Variants in ADAMTS17 observed in about 807,000 individuals in gnomAD.
ADAMTS17 encodes A disintegrin and metalloproteinase with thrombospondin motifs 17.
Under a neutral mutation model 141.5 loss-of-function variants are expected in ADAMTS17, and 113 were observed. That is an observed-to-expected ratio of 0.80 (90% CI 0.69 to 0.93). The LOEUF is 0.93. Ranked by LOEUF, ADAMTS17 falls within the 40% of genes least tolerant of loss-of-function variation. ADAMTS17 has a pLI of 0.00. For missense variants in ADAMTS17, 1,659 were observed against 1,517.9 expected, an observed-to-expected ratio of 1.09 and a Z score of -1.54; for synonymous variants, 768 against 630.6, an observed-to-expected ratio of 1.22 and a Z score of -3.27.
At chr15:100,236,769 T>C (rs2042669419) in intron 7 of ADAMTS17, among the ~76,000 whole-genome samples, 2 of 151,914 alleles carry the variant, frequency 1.3e-5, no homozygotes, top group South Asian at 4.2e-4. Flanking sequence ...GCCCAGGAGG[T>C]CGAGGCTGCA....
intron 10 of ADAMTS17, among the ~76,000 whole-genome samples, chr15:100,142,726 T>C (rs1254201958): frequency 6.6e-6 from 1 of 152,162 alleles, no homozygotes; most frequent in East Asian, 1.9e-4. Context: ...CTGTGTGATC[T>C]AGAAAGCATC....
intron 15 of ADAMTS17, among the ~76,000 whole-genome samples, chr15:100,086,106 C>T (rs1449302368): frequency 6.6e-6 from 1 of 152,020 alleles, no homozygotes; most frequent in Non-Finnish European, 1.5e-5. Flanking sequence ...AAACCCACCT[C>T]ATGTGCAGAG....
chr15:100,022,633 C>T (rs140386698), intron 18 of ADAMTS17, among the ~76,000 whole-genome samples: 5 of 152,224 alleles, frequency 3.3e-5, no homozygotes, highest in Non-Finnish European at 5.9e-5. Flanking sequence ...GCCACCCAGC[C>T]CTGACAGGTT....
At chr15:100,277,087 C>T (rs1389295538) in intron 4 of ADAMTS17, among the ~76,000 whole-genome samples, 2 of 152,144 alleles carry the variant, frequency 1.3e-5, no homozygotes, top group African/African-American at 2.4e-5. Flanking sequence ...CAAAAGGCCC[C>T]GGAAACCCCA....
intron 20 of ADAMTS17, among the ~76,000 whole-genome samples, chr15:99,982,340 G>A (rs1163902362): frequency 1.3e-5 from 2 of 152,212 alleles, no homozygotes; most frequent in African/African-American, 4.8e-5. Flanking sequence ...ACAGGCAGGT[G>A]CACACAGCCC....
intron 18 of ADAMTS17, among the ~76,000 whole-genome samples, chr15:100,006,034 T>A (rs947994464): frequency 2.0e-5 from 3 of 152,166 alleles, no homozygotes; most frequent in Non-Finnish European, 2.9e-5. Flanking sequence ...ACCCTCTTCT[T>A]ATAAGGATAC....
At chr15:100,287,190 AG>A (rs2044474244) in intron 3 of ADAMTS17, among the ~76,000 whole-genome samples, 1 of 152,162 alleles carries the variant, frequency 6.6e-6, no homozygotes. Flanking sequence ...CCATCTCAAA[AG>A]AAAAAACAAA....
chr15:100,286,553 T>C (rs903343848), intron 3 of ADAMTS17, among the ~76,000 whole-genome samples: 4 of 152,130 alleles, frequency 2.6e-5, no homozygotes, highest in Admixed American at 6.5e-5. Flanking sequence ...ACAGAGCCCA[T>C]GGGTGCTGAG....
chr15:100,081,441 C>A (rs1355124769), intron 15 of ADAMTS17, among the ~76,000 whole-genome samples: 1 of 152,238 alleles, frequency 6.6e-6, no homozygotes, highest in Non-Finnish European at 1.5e-5. Flanking sequence ...AACCCTAATA[C>A]ATGGCTGCAT....
intron 13 of ADAMTS17, among the ~76,000 whole-genome samples, chr15:100,112,226 G>T (rs563192635): frequency 6.6e-6 from 1 of 152,154 alleles, no homozygotes; most frequent in Non-Finnish European, 1.5e-5. Flanking sequence ...TGCTGGCCAC[G>T]AGCCTTGCAC....
At chr15:100,338,845 T>C (rs1355333114) in intron 2 of ADAMTS17, among the ~76,000 whole-genome samples, 2 of 152,224 alleles carry the variant, frequency 1.3e-5, no homozygotes, top group Non-Finnish European at 2.9e-5. Flanking sequence ...CCACCTGAAC[T>C]GAGAACCAAA....
At chr15:100,156,817 A>G (rs898842654) in intron 8 of ADAMTS17, among the ~76,000 whole-genome samples, 1 of 152,244 alleles carries the variant, frequency 6.6e-6, no homozygotes, top group African/African-American at 2.4e-5. Flanking sequence ...TTATGTGTAT[A>G]CAAACACACA....
intron 8 of ADAMTS17, among the ~76,000 whole-genome samples, chr15:100,181,463 C>T (rs979762517): frequency 2.6e-5 from 4 of 152,238 alleles, no homozygotes; most frequent in African/African-American, 9.6e-5. Context: ...AGCCAAGGCC[C>T]ATGGCATACT....
chr15:100,046,848 G>A (rs548051501), intron 18 of ADAMTS17, among the ~76,000 whole-genome samples: 36 of 152,292 alleles, frequency 2.4e-4, no homozygotes, highest in African/African-American at 8.4e-4. Context: ...GAGCATGTGT[G>A]TTTGAACAAT....
At chr15:100,305,049 G>T (rs1416735501) in intron 3 of ADAMTS17, among the ~76,000 whole-genome samples, 1 of 152,040 alleles carries the variant, frequency 6.6e-6, no homozygotes, top group East Asian at 1.9e-4. Flanking sequence ...CCAGTCAAGC[G>T]CAGCCTATAA....
At chr15:100,156,460 G>A (rs912211844) in intron 8 of ADAMTS17, among the ~76,000 whole-genome samples, 1 of 152,140 alleles carries the variant, frequency 6.6e-6, no homozygotes, top group Non-Finnish European at 1.5e-5. Flanking sequence ...GCTGCCTGGC[G>A]CTCATGTGTT....
Position 100,186,844 on chromosome 15 carries a change from T to C in ADAMTS17, c.1181+12474A>G, listed in dbSNP as rs79587428. ...ATTTCTGAGAGCTCACAAATTATGT[T>C]TGATGAGCCATTCTGGAATGTTTCC... is the stretch of plus-strand genomic sequence containing the variant. On this transcript the variant is annotated intron_variant, in intron 8 of 21. Coordinates refer to ENST00000268070, the MANE Select transcript of ADAMTS17 (RefSeq NM_139057.4). 8.4e-3 allele frequency among the ~76,000 whole-genome samples: 1,281 copies of C among 152,344 alleles called. 8 individuals are homozygous for C. Among genetic ancestry groups the C allele is most frequent in the South Asian group, 0.017 (83 of 4,822 alleles).
At position 99,997,839 on chromosome 15, in the gene ADAMTS17, G is replaced by A. The variant is rs770514665; in HGVS notation, c.2592-250C>T. Among the ~76,000 whole-genome samples the A allele has an allele frequency of 2.4e-4, 37 of 152,350 alleles. No individual in the cohort carries two copies. The highest frequency in any genetic ancestry group is 2.5e-4 in the Non-Finnish European group (17 of 68,036). On this transcript the variant is annotated intron_variant, in intron 18 of 21. Transcript: ENST00000268070. The surrounding 1 kb of genome is among the most constrained non-coding windows in gnomAD (Gnocchi z 4.7). Reference sequence around the variant, plus strand: ...GCAACCAACACCCCTACGGCAGACAGAATTATCTGGTCACGGCCTCCCTGT... The same window carrying A: ...GCAACCAACACCCCTACGGCAGACAAAATTATCTGGTCACGGCCTCCCTGT...
At chr15:100,100,010 C>CCAGCCT (rs994313815) in intron 14 of ADAMTS17, among the ~76,000 whole-genome samples, 1 of 152,232 alleles carries the variant, frequency 6.6e-6, no homozygotes, top group Non-Finnish European at 1.5e-5. Context: ...GGACGTGTCT[C>CCAGCCT]CAGCCTCATC....
Sources: gnomAD v4.1 joint callset for allele counts (sites outside exome capture counted in the v4.1 genomes callset) on GRCh38, gnomAD v4.1.1 for gene constraint, Gnocchi (gnomAD v3.1) non-coding constraint, MANE v1.5 for transcripts, NCBI Gene and HGNC (gene_info 2026-07-23, HGNC 2026-07-21) for gene names.